MRPL1: variants seen among roughly 807,000 people sequenced by gnomAD.
MRPL1 encodes the protein mitochondrial ribosomal protein L1, also known as large ribosomal subunit protein uL1m.
Under a neutral mutation model 38.0 loss-of-function variants are expected in MRPL1, and 28 were observed. The observed-to-expected ratio is 0.74, with a 90% CI of 0.55 to 1.01. The LOEUF (loss-of-function observed/expected upper bound fraction) is 1.01, where lower values mean the gene tolerates loss of function less well. Among genes scored for constraint, MRPL1 ranks in the 50% least tolerant of loss-of-function variants. The pLI is 0.00. For synonymous variants in MRPL1, 123 were observed against 126.7 expected (o/e 0.97, Z 0.20); for missense variants, 358 against 389.8 (o/e 0.92, Z 0.69).
chr4:77,916,011 A>T (rs1223047740), intron 7 of MRPL1, among the ~76,000 whole-genome samples: 2 of 152,224 alleles, frequency 1.3e-5, no homozygotes, highest in African/African-American at 4.8e-5. Flanking sequence ...TAAAACTGAA[A>T]ATAAAGAGCT....
At chr4:77,911,133 T>C (rs758473861) in intron 7 of MRPL1, among the ~76,000 whole-genome samples, 17 of 152,214 alleles carry the variant, frequency 1.1e-4, no homozygotes, top group Non-Finnish European at 2.2e-4. Context: ...ATAGTACTTC[T>C]TTCACTATGT....
chr4:77,883,510 GT>G lies in MRPL1; in HGVS notation c.402+11del. The G allele has an allele frequency of 6.3e-7, 1 of 1,577,884 alleles. No individual in the cohort carries two copies. The highest frequency in any genetic ancestry group is 8.6e-7 in the Non-Finnish European group (1 of 1,164,058). ...GGCACTGGGAAAGAAGGTATGTAGA[GT>G]CCATTAAAATAAGTTTACCTGTGAA... On this transcript the variant is annotated intron_variant, in intron 3 of 8. Coordinates refer to ENST00000315567, the MANE Select transcript of MRPL1 (RefSeq NM_020236.4).
In MRPL1 at chr4:77,939,126, C is replaced by T. The variant is rs375138094; in HGVS notation, c.778-10671C>T. Among the ~76,000 whole-genome samples the T allele has an allele frequency of 2.6e-5, 4 of 152,290 alleles. No homozygotes were observed. The East Asian group carries it at 7.7e-4, about 29-fold the overall frequency. On this transcript the variant is annotated intron_variant, in intron 7 of 8. Transcript: ENST00000315567. ...CTATATCATTCTTATGCCTTTGCATCCTATAGCTTAGCTCCCTCTTATGAG... is the reference window on the plus strand; with the variant it reads ...CTATATCATTCTTATGCCTTTGCATTCTATAGCTTAGCTCCCTCTTATGAG...
At chr4:77,951,169 T>C (rs916543840) in intron 8 of MRPL1, among the ~76,000 whole-genome samples, 7 of 152,226 alleles carry the variant, frequency 4.6e-5, no homozygotes, top group African/African-American at 1.4e-4. Context: ...GGTGTCCGGC[T>C]GTCTTTTTGC....
At chr4:77,881,970 GC>G (rs907874591) in intron 2 of MRPL1, among the ~76,000 whole-genome samples, 1 of 152,100 alleles carries the variant, frequency 6.6e-6, no homozygotes, top group Non-Finnish European at 1.5e-5. Flanking sequence ...TCTAGAGGAT[GC>G]CCCCCTATGC....
chr4:77,935,168 G>C (rs79587530), intron 7 of MRPL1, among the ~76,000 whole-genome samples: 1,545 of 152,090 alleles, frequency 0.01, 30 homozygotes, highest in African/African-American at 0.036. Flanking sequence ...ATCACATGAG[G>C]GAATTTTTTG....
rs1204525403 is a variant in MRPL1 at position 77,874,807 on chromosome 4, G to A, written c.143+2952G>A. Among the ~76,000 whole-genome samples the A allele has an allele frequency of 7.9e-5, 11 of 139,366 alleles. No homozygotes were observed. In the East Asian group the frequency reaches 2.3e-3, roughly 29 times the overall value. The allele number at this position is 139,366 out of a possible 152,430, so 91.4% of individuals were successfully genotyped here. ...CTTTTTTTTTTTTTTTTGAGGTGAA[G>A]TTTTGCTCTTGTCGCCCAGGCTGGA... On this transcript the variant is annotated intron_variant, in intron 2 of 8. Coordinates refer to ENST00000315567, the MANE Select transcript of MRPL1 (RefSeq NM_020236.4).
chr4:77,878,721 T>C (rs1424771744), intron 2 of MRPL1, among the ~76,000 whole-genome samples: 1 of 151,836 alleles, frequency 6.6e-6, no homozygotes, highest in Non-Finnish European at 1.5e-5. Context: ...CTACTAAAAA[T>C]AGAAAAAATG....
chr4:77,867,992 G>C (rs974818527), intron 1 of MRPL1, among the ~76,000 whole-genome samples: 9 of 151,654 alleles, frequency 5.9e-5, no homozygotes, highest in Non-Finnish European at 1.0e-4. Flanking sequence ...TCCTGACCTC[G>C]TGATCCGCCC....
intron 2 of MRPL1, among the ~76,000 whole-genome samples, chr4:77,877,119 C>T (rs568264577): frequency 3.3e-5 from 5 of 152,256 alleles, no homozygotes; most frequent in East Asian, 1.9e-4. Context: ...AGTCTGGTCT[C>T]GAACTCCTGA....
intron 5 of MRPL1, among the ~76,000 whole-genome samples, chr4:77,887,823 A>G (rs895942456): frequency 6.6e-6 from 1 of 152,168 alleles, no homozygotes; most frequent in Non-Finnish European, 1.5e-5. Flanking sequence ...CCAACCTCAG[A>G]CAGTCTGATA....
chr4:77,905,865 T>C (rs1453571103), intron 6 of MRPL1, among the ~76,000 whole-genome samples: 2 of 152,218 alleles, frequency 1.3e-5, no homozygotes, highest in Non-Finnish European at 2.9e-5. Context: ...AGGCTCAAAA[T>C]TATGAAGTCC....
intron 7 of MRPL1, among the ~76,000 whole-genome samples, chr4:77,926,942 C>G (rs775744105): frequency 1.3e-5 from 2 of 151,954 alleles, no homozygotes; most frequent in Admixed American, 6.6e-5. Flanking sequence ...TTTCAGGTTT[C>G]TCTTCTGTCT....
At chr4:77,891,384 G>A (rs1332695968) in intron 5 of MRPL1, among the ~76,000 whole-genome samples, 1 of 143,952 alleles carries the variant, frequency 6.9e-6, no homozygotes, top group African/African-American at 2.6e-5. Context: ...GAGACAGTGT[G>A]TCGTTGCATC....
intron 3 of MRPL1, among the ~76,000 whole-genome samples, chr4:77,884,856 T>C (rs1442994655): frequency 6.6e-6 from 1 of 152,194 alleles, no homozygotes; most frequent in African/African-American, 2.4e-5. Flanking sequence ...TAGCAAACAT[T>C]TATTATACAT....
intron 7 of MRPL1, among the ~76,000 whole-genome samples, chr4:77,940,269 G>A (rs986954998): frequency 6.6e-6 from 1 of 152,000 alleles, no homozygotes; most frequent in African/African-American, 2.4e-5. Context: ...TCTTTGGTTA[G>A]GTATACTCCT....
intron 5 of MRPL1, among the ~76,000 whole-genome samples, chr4:77,890,989 C>T (rs1306378610): frequency 1.3e-5 from 2 of 151,908 alleles, no homozygotes; most frequent in African/African-American, 2.4e-5. Flanking sequence ...TTTTCCCACC[C>T]CTAAAAGTAC....
chr4:77,916,380 A>G (rs1736424790), intron 7 of MRPL1, among the ~76,000 whole-genome samples: 1 of 152,192 alleles, frequency 6.6e-6, no homozygotes, highest in Non-Finnish European at 1.5e-5. Context: ...GAACTTAAAA[A>G]ACTTTTAATT....
chr4:77,882,653 C>G (rs905540595), intron 2 of MRPL1, among the ~76,000 whole-genome samples: 1 of 152,132 alleles, frequency 6.6e-6, no homozygotes, highest in African/African-American at 2.4e-5. Context: ...TAGCATTGAT[C>G]AATATTTCAT....
Sources: allele counts gnomAD v4.1 joint callset (sites outside exome capture counted in the v4.1 genomes callset), GRCh38; gene constraint gnomAD v4.1.1; transcripts MANE v1.5; gene names NCBI Gene and HGNC (gene_info 2026-07-23, HGNC 2026-07-21).